The following LRCH1 variants were observed in gnomAD, a reference collection of about 807,000 sequenced individuals.
The protein encoded by LRCH1 is leucine-rich repeat and calponin homology domain-containing protein 1.
LRCH1 carries 23 observed loss-of-function variants against 94.9 expected under a neutral mutation model. That is an observed-to-expected ratio of 0.24 (90% CI 0.17 to 0.34). The LOEUF is 0.34. Among genes scored for constraint, LRCH1 ranks in the 10% least tolerant of loss-of-function variants. LRCH1 has a pLI of 1.00. For missense variants in LRCH1, 790 were observed against 945.9 expected (o/e 0.84, Z 2.16); for synonymous variants, 364 against 354.9 (o/e 1.03, Z -0.29).
intron 19 of LRCH1, among the ~76,000 whole-genome samples, chr13:46,736,262 G>A (rs1873380810): frequency 6.6e-6 from 1 of 152,060 alleles, no homozygotes; most frequent in South Asian, 2.1e-4. Flanking sequence ...CTTCTTTAAT[G>A]ATAATGTTAA....
chr13:46,713,081 AAAAAGT>A (rs754836698), intron 15 of LRCH1, among the ~76,000 whole-genome samples: 17 of 152,212 alleles, frequency 1.1e-4, no homozygotes, highest in Non-Finnish European at 2.2e-4. Context: ...TTACTTTTTT[AAAAAGT>A]CTTTTGAGAA....
At chr13:46,559,314 G>A (rs2050104418) in intron 1 of LRCH1, among the ~76,000 whole-genome samples, 1 of 152,168 alleles carries the variant, frequency 6.6e-6, no homozygotes, top group African/African-American at 2.4e-5. Context: ...TAACATACCT[G>A]TTGCTTTTTG....
In LRCH1 at chr13:46,743,251, G is replaced by A. The variant is rs1873755578; in HGVS notation, c.*1403G>A. The stretch of plus-strand genomic sequence containing the variant: ...TTTCTGAACATTTTCATGAATCCAG[G>A]GGACTTGAAAATATGGAAGACCCAC... On this transcript the variant is annotated 3_prime_UTR_variant, in exon 20 of 20. Transcript: ENST00000389797. 17 of 985,552 alleles carry A rather than the reference G, an allele frequency of 1.7e-5. No individual in the cohort carries two copies. The highest frequency in any genetic ancestry group is 2.0e-5 in the Non-Finnish European group (17 of 829,744). 61.1% of individuals were successfully genotyped at this position (985,552 alleles called of 1,614,324 possible). A position where few individuals can be genotyped will look rare whatever the true frequency, so the allele number is the denominator to read the frequency against.
chr13:46,626,800 A>C (rs1254401625), intron 1 of LRCH1, among the ~76,000 whole-genome samples: 1 of 152,216 alleles, frequency 6.6e-6, no homozygotes, highest in Non-Finnish European at 1.5e-5. Flanking sequence ...AATCTATCAA[A>C]TATATAGCCA....
At chr13:46,583,015 A>C (rs2050390934) in intron 1 of LRCH1, among the ~76,000 whole-genome samples, 3 of 152,100 alleles carry the variant, frequency 2.0e-5, no homozygotes, top group African/African-American at 2.4e-5. Context: ...GTTCCCAAGA[A>C]ATCCATGTTA....
chr13:46,735,438 T>TA (rs1873323939), intron 19 of LRCH1, among the ~76,000 whole-genome samples: 1 of 152,252 alleles, frequency 6.6e-6, no homozygotes, highest in Non-Finnish European at 1.5e-5. Context: ...GGTTATGACC[T>TA]AACTCCCTGT....
At chr13:46,584,276 C>G (rs2050406244) in intron 1 of LRCH1, among the ~76,000 whole-genome samples, 1 of 152,142 alleles carries the variant, frequency 6.6e-6, no homozygotes, top group South Asian at 2.1e-4. Context: ...AACCTTAACC[C>G]AGTGTTTTCA....
At chr13:46,654,381 A>T (rs2051344597) in intron 2 of LRCH1, among the ~76,000 whole-genome samples, 1 of 152,180 alleles carries the variant, frequency 6.6e-6, no homozygotes, top group Non-Finnish European at 1.5e-5. Flanking sequence ...AGTTAGCAAA[A>T]TAAAATATAT....
At chr13:46,720,990 T>C (rs1013217577) in intron 16 of LRCH1, among the ~76,000 whole-genome samples, 2 of 152,224 alleles carry the variant, frequency 1.3e-5, no homozygotes, top group African/African-American at 4.8e-5. Context: ...CAATTGGTTT[T>C]TAAAACACTT....
At chr13:46,674,335 G>T (rs187459352) in intron 3 of LRCH1, among the ~76,000 whole-genome samples, 1 of 152,188 alleles carries the variant, frequency 6.6e-6, no homozygotes, top group Non-Finnish European at 1.5e-5. Context: ...GACTGTGCAG[G>T]GAATGTCGAA....
chr13:46,703,003 G>T (rs1193396131), intron 11 of LRCH1, among the ~76,000 whole-genome samples: 1 of 152,154 alleles, frequency 6.6e-6, no homozygotes, highest in Non-Finnish European at 1.5e-5. Flanking sequence ...GTTTAAACAT[G>T]ATTATTCATG....
In LRCH1 at chr13:46,596,808, C is replaced by T. The variant is rs78021929; in HGVS notation, c.307+43105C>T. On this transcript the variant is annotated intron_variant, in intron 1 of 19. Transcript: ENST00000389797. ...TCAACATGGCTAGGTCCATGGCAAT[C>T]GATCATTTGCCCAGCATTTTGCCTG... Among the ~76,000 whole-genome samples the T allele has an allele frequency of 3.0e-3, 453 of 152,236 alleles. 7 individuals carry two copies. Among genetic ancestry groups the T allele is most frequent in the Admixed American group, 9.8e-3 (150 of 15,294 alleles).
chr13:46,622,207 C>A (rs2050888619), intron 1 of LRCH1, among the ~76,000 whole-genome samples: 1 of 149,922 alleles, frequency 6.7e-6, no homozygotes. Flanking sequence ...TTTTTTCCCC[C>A]CAAGGCGAGG....
At position 46,741,959 on chromosome 13, in the gene LRCH1, T is replaced by C; in HGVS notation, c.*111T>C. Reference sequence around the variant, plus strand: ...CTTCCATCCCTGTCATGTCTTCAGTTATCTCTCGAGTTTTGAAGCTGAACA... The same window carrying C: ...CTTCCATCCCTGTCATGTCTTCAGTCATCTCTCGAGTTTTGAAGCTGAACA... On this transcript the variant is annotated 3_prime_UTR_variant, in exon 20 of 20. Transcript: ENST00000389797. The C allele has an allele frequency of 6.4e-7, 1 of 1,555,236 alleles. No homozygotes were observed. The highest frequency in any genetic ancestry group is 8.7e-7 in the Non-Finnish European group (1 of 1,154,714).
intron 1 of LRCH1, among the ~76,000 whole-genome samples, chr13:46,589,220 A>G (rs937844960): frequency 6.6e-6 from 1 of 151,196 alleles, no homozygotes. Flanking sequence ...TTTTATTTCT[A>G]TAGAGAGAAA....
intron 1 of LRCH1, among the ~76,000 whole-genome samples, chr13:46,635,827 A>G (rs1042167044): frequency 3.3e-5 from 5 of 151,876 alleles, no homozygotes; most frequent in Non-Finnish European, 7.4e-5. Context: ...TCTTCTGAAT[A>G]ATCAGTTTTC....
chr13:46,614,087 C>A (rs1355060640), intron 1 of LRCH1, among the ~76,000 whole-genome samples: 2 of 129,252 alleles, frequency 1.5e-5, no homozygotes, highest in Non-Finnish European at 3.2e-5. Flanking sequence ...AATTAACACA[C>A]CCATCATTTC....
intron 11 of LRCH1, among the ~76,000 whole-genome samples, chr13:46,702,257 T>A (rs1871518940): frequency 6.6e-6 from 1 of 152,164 alleles, no homozygotes; most frequent in Non-Finnish European, 1.5e-5. Flanking sequence ...ATCCCAGCAC[T>A]TTGGAAGGCC....
At chr13:46,735,364 G>A (rs976679674) in intron 19 of LRCH1, among the ~76,000 whole-genome samples, 4 of 152,176 alleles carry the variant, frequency 2.6e-5, no homozygotes, top group Non-Finnish European at 4.4e-5. Flanking sequence ...CTCATGGCAA[G>A]CTTCAGATGA....
Sources: gnomAD v4.1 joint callset for allele counts (sites outside exome capture counted in the v4.1 genomes callset) on GRCh38, gnomAD v4.1.1 for gene constraint, MANE v1.5 for transcripts, NCBI Gene and HGNC (gene_info 2026-07-23, HGNC 2026-07-21) for gene names.